The following TTF1 variants were observed in gnomAD, a reference collection of about 807,000 sequenced individuals.
The protein encoded by TTF1 is transcription termination factor, RNA polymerase I.
Under a neutral mutation model 80.2 loss-of-function variants are expected in TTF1, and 64 were observed. The ratio of observed to expected loss-of-function variants is 0.80; its 90% CI spans 0.65 to 0.98. The LOEUF (loss-of-function observed/expected upper bound fraction) is 0.98. Among genes scored for constraint, TTF1 ranks in the 50% least tolerant of loss-of-function variants. The pLI, the probability that TTF1 is intolerant of heterozygous loss-of-function variation, is 0.00. For missense variants in TTF1, 1,023 were observed against 1,086.2 expected (o/e 0.94, Z 0.82); for synonymous variants, 372 against 382.7 (o/e 0.97, Z 0.33).
chr9:132,405,628 C>G (rs1420724915), intron 1 of TTF1, among the ~76,000 whole-genome samples: 1 of 152,216 alleles, frequency 6.6e-6, no homozygotes, highest in African/African-American at 2.4e-5. Context: ...TATAGTCTCT[C>G]CCTGCTAAAA....
intron 1 of TTF1, among the ~76,000 whole-genome samples, chr9:132,404,001 T>C (rs1290296601): frequency 6.6e-6 from 1 of 152,266 alleles, no homozygotes; most frequent in Non-Finnish European, 1.5e-5. Flanking sequence ...AAATGCACTT[T>C]CCAAAAGAGA....
intron 5 of TTF1, among the ~76,000 whole-genome samples, chr9:132,394,210 C>T (rs1589823144): frequency 6.6e-6 from 1 of 151,562 alleles, no homozygotes; most frequent in Non-Finnish European, 1.5e-5. Context: ...CAAAAACAAA[C>T]AATAACATCG....
intron 4 of TTF1, among the ~76,000 whole-genome samples, chr9:132,397,008 T>G (rs1231340403): frequency 1.3e-5 from 2 of 152,062 alleles, no homozygotes; most frequent in Non-Finnish European, 2.9e-5. Context: ...GTGCTGGGAT[T>G]ACAGGCATGA....
chr9:132,386,535 A>G (rs1564184973), intron 9 of TTF1, 21 bp downstream of exon 9: 1 of 1,570,936 alleles, frequency 6.4e-7, no homozygotes, highest in Non-Finnish European at 8.7e-7. Context: ...AATTAGTTTA[A>G]TATTAAACAA....
chr9:132,392,023 G>C, intron 6 of TTF1, 53 bp downstream of exon 6: 1 of 1,610,530 alleles, frequency 6.2e-7, no homozygotes, highest in Non-Finnish European at 8.5e-7. Flanking sequence ...GCTGAACCAG[G>C]CCTGTCAGGG....
At chr9:132,391,138 C>G (rs1301597573) in intron 6 of TTF1, among the ~76,000 whole-genome samples, 1 of 152,136 alleles carries the variant, frequency 6.6e-6, no homozygotes, top group Non-Finnish European at 1.5e-5. Context: ...TGTGAGGTTC[C>G]CAAACATTTA....
chr9:132,394,748 C>T (rs1302364033), intron 5 of TTF1, among the ~76,000 whole-genome samples: 1 of 151,902 alleles, frequency 6.6e-6, no homozygotes. Flanking sequence ...TAAAAATTAG[C>T]TGGGTGTGGT....
intron 3 of TTF1, among the ~76,000 whole-genome samples, chr9:132,398,680 G>A (rs1849702376): frequency 6.6e-6 from 1 of 152,100 alleles, no homozygotes; most frequent in African/African-American, 2.4e-5. Flanking sequence ...CTGCAACCTT[G>A]AACTCCTGGG....
chr9:132,404,324 T>G (rs1042487817), intron 1 of TTF1, among the ~76,000 whole-genome samples: 1 of 152,164 alleles, frequency 6.6e-6, no homozygotes, highest in African/African-American at 2.4e-5. Flanking sequence ...AAATATCAGC[T>G]GTATTAGACA....
At chr9:132,400,014 A>G (rs1238720634) in intron 3 of TTF1, 21 bp downstream of exon 3, 1 of 1,613,696 alleles carries the variant, frequency 6.2e-7, no homozygotes, top group Admixed American at 1.7e-5. Context: ...TTCAACAAAC[A>G]CTAAGGCCCC....
chr9:132,390,659 T>C lies in TTF1; in HGVS notation c.2160A>G (p.Ile720Met), dbSNP rs1209476859. 1.2e-6 allele frequency: 2 copies of C among 1,614,152 alleles called. No homozygotes were observed. Among genetic ancestry groups the C allele is most frequent in the African/African-American group, 2.7e-5 (2 of 74,956 alleles). Residue 720 changes from isoleucine (I) to methionine (M), a missense_variant, in exon 7 of 11, where the codon ATA becomes ATG. Physicochemically the swap from Ile to Met is conservative, Grantham distance 10. Coordinates refer to ENST00000334270, the MANE Select transcript of TTF1 (RefSeq NM_007344.4). ...CTTTAGCTTCTACTTCTACCCAAGA[T>C]ATGCCCTTGTAGAGTTTTTCCCGAA... ...SIVREKLYKG[I>M]SWVEVEAKVQ...
intron 5 of TTF1, among the ~76,000 whole-genome samples, chr9:132,394,053 C>T (rs1225250611): frequency 1.3e-5 from 2 of 151,958 alleles, no homozygotes; most frequent in African/African-American, 4.8e-5. Flanking sequence ...TCCCAAGTAG[C>T]TGGGACTACA....
At chr9:132,405,035 G>A (rs1398942571) in intron 1 of TTF1, among the ~76,000 whole-genome samples, 2 of 149,726 alleles carry the variant, frequency 1.3e-5, no homozygotes, top group African/African-American at 4.9e-5. Context: ...ACAGGTGCCC[G>A]CCACGACGCC....
At chr9:132,380,200 G>T (rs1053058955) in intron 9 of TTF1, among the ~76,000 whole-genome samples, 7 of 152,084 alleles carry the variant, frequency 4.6e-5, no homozygotes, top group African/African-American at 9.7e-5. Flanking sequence ...CTCCTGAGTA[G>T]CTGGGATTAC....
At chr9:132,403,470 C>G (rs1048671244) in intron 1 of TTF1, among the ~76,000 whole-genome samples, 5 of 152,172 alleles carry the variant, frequency 3.3e-5, no homozygotes, top group African/African-American at 9.6e-5. Context: ...TAACCTTTCC[C>G]CCCCAGCTCT....
chr9:132,387,805 C>A (rs1258354846), intron 8 of TTF1, among the ~76,000 whole-genome samples: 2 of 152,210 alleles, frequency 1.3e-5, no homozygotes, highest in African/African-American at 4.8e-5. Context: ...GAGTCATTTA[C>A]CCCCATTTTC....
intron 1 of TTF1, among the ~76,000 whole-genome samples, chr9:132,405,953 C>A (rs1016344525): frequency 6.6e-6 from 1 of 152,192 alleles, no homozygotes. Context: ...CTCTCTAACT[C>A]CTTAGCCGGT....
At position 132,402,785 on chromosome 9, in the gene TTF1, G is replaced by T; in HGVS notation, c.37C>A (p.Pro13Thr). 6.3e-7 allele frequency: 1 copy of T among 1,593,604 alleles called. No individual in the cohort carries two copies. Residue 13 changes from proline (P) to threonine (T), a missense_variant, in exon 2 of 11, where the codon CCA (proline) becomes ACA (threonine). Physicochemically the swap from Pro to Thr is conservative, Grantham distance 38. Coordinates refer to ENST00000334270, the MANE Select transcript of TTF1 (RefSeq NM_007344.4). ...TTTTTCTTTTTCTTGTCAGAAACTG[G>T]AGTGTGGATTTCAAATCTGCTTGAT... ...GESSRFEIHTPVSDKKKKKCS... is the reference protein window; with the variant it reads ...GESSRFEIHTTVSDKKKKKCS...
Position 132,400,265 on chromosome 9 carries a change from G to A in TTF1, c.1368-7C>T, listed in dbSNP as rs1186012332. ...TTCATTTGCAGGTTCTAACCTAAGG[G>A]GTTAGAAAATTGGGTTGACTAACAT... is the stretch of plus-strand genomic sequence containing the variant. On this transcript the variant is annotated splice_polypyrimidine_tract_variant and splice_region_variant and intron_variant, in intron 2 of 10. Coordinates refer to ENST00000334270, the MANE Select transcript of TTF1 (RefSeq NM_007344.4). 11 of 1,613,252 alleles carry A rather than the reference G, an allele frequency of 6.8e-6. No homozygotes were observed. Among genetic ancestry groups the A allele is most frequent in the Non-Finnish European group, 9.3e-6 (11 of 1,179,420 alleles).
Sources: gnomAD v4.1 joint callset for allele counts (sites outside exome capture counted in the v4.1 genomes callset) on GRCh38, gnomAD v4.1.1 for gene constraint, MANE v1.5 for transcripts, NCBI Gene and HGNC (gene_info 2026-07-23, HGNC 2026-07-21) for gene names.